Variants in GLB1L observed in about 807,000 individuals in gnomAD.
GLB1L encodes the protein galactosidase beta 1 like, also known as beta-galactosidase-1-like protein.
Under a neutral mutation model 75.7 loss-of-function variants are expected in GLB1L, and 58 were observed. The observed-to-expected ratio is 0.77, with a 90% confidence interval of 0.62 to 0.95. The LOEUF (loss-of-function observed/expected upper bound fraction) is 0.95, where lower values mean the gene tolerates loss of function less well. GLB1L is among the 40% of genes least tolerant of loss of function. The pLI, the probability that GLB1L is intolerant of heterozygous loss-of-function variation, is 0.00. For missense variants in GLB1L, 797 were observed against 805.5 expected (o/e 0.99, Z 0.13); for synonymous variants, 296 against 303.0 (o/e 0.98, Z 0.24).
chr2:219,238,441 G>A lies in GLB1L; in HGVS notation c.1227+54C>T, dbSNP rs984779576. 72 of 1,568,060 alleles carry A rather than the reference G, an allele frequency of 4.6e-5. No homozygotes were observed. The Middle Eastern group carries it at 6.7e-4, about 15-fold the overall frequency. ...GTGACTATAGCCAAGGAACTTTTGC[G>A]TATAGCTGTTAAGGGAGGTTGTCAT... On this transcript the variant is annotated intron_variant, in intron 13 of 16. Transcript: ENST00000295759.
intron 1 of GLB1L, among the ~76,000 whole-genome samples, chr2:219,244,934 T>A (rs1221782701): frequency 2.0e-5 from 3 of 152,228 alleles, no homozygotes; most frequent in Non-Finnish European, 4.4e-5. Flanking sequence ...CCTTATGTAC[T>A]ATTATACCTA....
At position 219,239,127 on chromosome 2, in the gene GLB1L, G is replaced by T. The variant is rs1321737855; in HGVS notation, c.1027C>A (p.Pro343Thr). The T allele has an allele frequency of 6.2e-7, 1 of 1,613,718 alleles. No homozygotes were observed. Among genetic ancestry groups the T allele is most frequent in the Non-Finnish European group, 8.5e-7 (1 of 1,179,732 alleles). ...APISEAGDPT[P>T]KLFALRDVIS... ...ACATCTCGAAGAGCAAAAAGCTTAGGTGTGGGGTCCCCTGCTTCAGATATA... is the reference window on the plus strand; with the variant it reads ...ACATCTCGAAGAGCAAAAAGCTTAGTTGTGGGGTCCCCTGCTTCAGATATA... Residue 343 changes from proline to threonine, a missense_variant, in exon 11 of 17, where the codon CCT (proline) becomes ACT (threonine). Pro to Thr is a conservative substitution (Grantham distance 38). Transcript: ENST00000295759.
Position 219,242,786 on chromosome 2 carries a change from G to C in GLB1L, c.372C>G (p.Ile124Met), listed in dbSNP as rs1951422831. The change falls in exon 4 of 17, where the codon ATC becomes ATG. Residue 124 changes from isoleucine (I) to methionine (M), a missense_variant. By Grantham distance (10) the Ile-to-Met change is conservative (BLOSUM62 1). Coordinates refer to ENST00000295759, the MANE Select transcript of GLB1L (RefSeq NM_001286423.2). Reference sequence around the variant, plus strand: ...AACTCACCATCTCCCACTCTGCACAGATGTAAGGTCCTGGTCTCAGTATGA... The same window carrying C: ...AACTCACCATCTCCCACTCTGCACACATGTAAGGTCCTGGTCTCAGTATGA... Reference protein sequence around the residue: ...LLVILRPGPYICAEWEMGGLP... With the variant: ...LLVILRPGPYMCAEWEMGGLP... The C allele has an allele frequency of 1.3e-5, 21 of 1,614,082 alleles. No individual in the cohort carries two copies. The highest frequency in any genetic ancestry group is 1.7e-5 in the Non-Finnish European group (20 of 1,180,044).
chr2:219,238,200 C>A, intron 14 of GLB1L, 50 bp downstream of exon 14: 1 of 1,341,644 alleles, frequency 7.5e-7, no homozygotes, highest in Non-Finnish European at 1.0e-6. Flanking sequence ...GCTAACGCTT[C>A]CTGGGGAAGG....
At chr2:219,238,885 G>C in intron 11 of GLB1L, 106 bp from the exon 12 acceptor site, 1 of 1,020,494 alleles carries the variant, frequency 9.8e-7, no homozygotes, top group East Asian at 2.4e-5. Flanking sequence ...AAGGGCTTCA[G>C]GGATCATGGA....
At chr2:219,243,676 G>C in intron 1 of GLB1L, 33 bp from the exon 2 acceptor site, 1 of 1,122,314 alleles carries the variant, frequency 8.9e-7, no homozygotes, top group South Asian at 1.3e-5. Flanking sequence ...ACCACCTCAA[G>C]TTGCCAGGCG....
intron 4 of GLB1L, 56 bp from the exon 5 acceptor site, chr2:219,242,630 TGGGGAAGCTAGGA>T: frequency 2.6e-6 from 4 of 1,560,002 alleles, no homozygotes; most frequent in Non-Finnish European, 3.5e-6. Context: ...TGGGGTGTGG[TGGGGAAGCTAGGA>T]AGGGAAGGAA....
At chr2:219,241,008 CA>C (rs911756987) in intron 5 of GLB1L, among the ~76,000 whole-genome samples, 4 of 151,032 alleles carry the variant, frequency 2.6e-5, no homozygotes, top group African/African-American at 9.8e-5. Flanking sequence ...CACTTGAACC[CA>C]ATCGGAGGTT....
At position 219,237,074 on chromosome 2, in the gene GLB1L, A is replaced by G. The variant is rs1472546269; in HGVS notation, c.1963T>C (p.Ter655ArgextTer37). The change falls in exon 17 of 17, where the codon TGA becomes CGA. Residue 655 changes from the stop codon to arginine, a stop_lost. Coordinates refer to ENST00000295759, the MANE Select transcript of GLB1L (RefSeq NM_001286423.2). ...ASEPMELSGH[*>R] ...AGCCACCATGCCCGGCCTACCTTTCAGTGCCCACTTAACTCCATTGGTTCA... is the reference window on the plus strand; with the variant it reads ...AGCCACCATGCCCGGCCTACCTTTCGGTGCCCACTTAACTCCATTGGTTCA... The G allele has an allele frequency of 1.2e-6, 2 of 1,600,494 alleles. No individual in the cohort carries two copies. Among genetic ancestry groups the G allele is most frequent in the Admixed American group, 3.3e-5 (2 of 59,752 alleles).
rs772938272 is a variant in GLB1L, at chr2:219,237,970, G to C, written c.1342-13C>G. On this transcript the variant is annotated splice_polypyrimidine_tract_variant and intron_variant, in intron 14 of 16. Transcript: ENST00000295759. Reference sequence around the variant, plus strand: ...CACCCTGGAACACCTGTGGATAGGAGATAGGATAGGAGCAAGGCTCAGCAT... The same window carrying C: ...CACCCTGGAACACCTGTGGATAGGACATAGGATAGGAGCAAGGCTCAGCAT... 3.7e-6 allele frequency: 6 copies of C among 1,613,888 alleles called. No homozygotes were observed. The highest frequency in any genetic ancestry group is 5.1e-6 in the Non-Finnish European group (6 of 1,179,806).
chr2:219,239,126 G>C lies in GLB1L; in HGVS notation c.1028C>G (p.Pro343Arg). The change falls in exon 11 of 17, where the codon CCT (proline) becomes CGT (arginine). Residue 343 changes from proline (P) to arginine (R), a missense_variant. Pro to Arg is a moderately radical substitution (Grantham distance 103). Coordinates refer to ENST00000295759, the MANE Select transcript of GLB1L (RefSeq NM_001286423.2). ...GACATCTCGAAGAGCAAAAAGCTTA[G>C]GTGTGGGGTCCCCTGCTTCAGATAT... is the stretch of plus-strand genomic sequence containing the variant. ...APISEAGDPT[P>R]KLFALRDVIS... 3 of 1,613,822 alleles carry C rather than the reference G, an allele frequency of 1.9e-6. No individual in the cohort carries two copies. The highest frequency in any genetic ancestry group is 2.2e-5 in the South Asian group (2 of 91,070).
chr2:219,242,531 A>C lies in GLB1L; in HGVS notation c.434T>G (p.Leu145Arg), dbSNP rs921522529. ...SWLLRKPEIHLRTSDPDFLAA... is the reference protein window; with the variant it reads ...SWLLRKPEIHRRTSDPDFLAA... ...CAACTCACCTGGATCTGAGGTTCTT[A>C]GATGAATTTCAGGTTTTCGAAGCAA... Residue 145 changes from leucine to arginine, a missense_variant, in exon 5 of 17, where the codon CTA becomes CGA. Transcript: ENST00000295759. 19 of 1,613,146 alleles carry C rather than the reference A, an allele frequency of 1.2e-5. No homozygotes were observed. The highest frequency in any genetic ancestry group is 1.7e-5 in the Admixed American group (1 of 59,994).
intron 1 of GLB1L, 131 bp from the exon 2 acceptor site, chr2:219,243,774 C>T: frequency 3.5e-6 from 2 of 568,548 alleles, no homozygotes; most frequent in Non-Finnish European, 6.4e-6. Context: ...GTGCAGTTCA[C>T]GAACCAGCTT....
chr2:219,241,436 GTGTGTGTATATATA>G (rs1433565591), intron 5 of GLB1L, among the ~76,000 whole-genome samples: 3 of 84,316 alleles, frequency 3.6e-5, no homozygotes, highest in East Asian at 1.1e-3. Flanking sequence ...GTGTGTGTGT[GTGTGTGTATATATA>G]TATATATATA....
In GLB1L at chr2:219,242,767, C is replaced by T; in HGVS notation, c.390+1G>A. ...TTCTATCCCTTCTCCAGCTAACTCA[C>T]CATCTCCCACTCTGCACAGATGTAA... is the stretch of plus-strand genomic sequence containing the variant. On this transcript the variant is annotated splice_donor_variant, in intron 4 of 16. Transcript: ENST00000295759. LOFTEE classifies it high-confidence loss of function. The T allele has an allele frequency of 1.2e-6, 2 of 1,614,106 alleles. No individual in the cohort carries two copies. The highest frequency in any genetic ancestry group is 1.7e-6 in the Non-Finnish European group (2 of 1,179,986).
At chr2:219,239,891 A>T (rs144269036) in intron 7 of GLB1L, 29 bp downstream of exon 7, 2 of 1,614,064 alleles carry the variant, frequency 1.2e-6, no homozygotes, top group Middle Eastern at 1.6e-4. Flanking sequence ...TCCTTTCCCC[A>T]GACTCCACTC....
At position 219,238,351 on chromosome 2, in the gene GLB1L, T is replaced by C; in HGVS notation, c.1240A>G (p.Met414Val). 1 of 1,606,648 alleles carries C rather than the reference T, an allele frequency of 6.2e-7. No individual in the cohort carries two copies. The highest frequency in any genetic ancestry group is 8.5e-7 in the Non-Finnish European group (1 of 1,176,234). Residue 414 changes from methionine (M) to valine (V), a missense_variant, in exon 14 of 17, where the codon ATG becomes GTG. Met to Val is a conservative substitution (Grantham distance 21). Transcript: ENST00000295759. ...TGGGTCATATAGGTTCGGTACAACA[T>C]GAAGCCATGGTCCTGGGTATGGAAG... The part of the protein sequence containing the change: ...FEAVKQDHGF[M>V]LYRTYMTHTI...
In GLB1L at chr2:219,238,502, A is replaced by T; in HGVS notation, c.1220T>A (p.Val407Asp). The T allele has an allele frequency of 6.2e-7, 1 of 1,613,932 alleles. No individual in the cohort carries two copies. Among genetic ancestry groups the T allele is most frequent in the Non-Finnish European group, 8.5e-7 (1 of 1,179,846 alleles). The change falls in exon 13 of 17, where the codon GTC (valine) becomes GAC (aspartate). Residue 407 changes from valine (V) to aspartate (D), a missense_variant. By Grantham distance (152) the Val-to-Asp change is radical. Coordinates refer to ENST00000295759, the MANE Select transcript of GLB1L (RefSeq NM_001286423.2). ...HSILPMTFEA[V>D]KQDHGFMLYR... ...TGTGGGTTTATGCCTTACCTGCTTG[A>T]CAGCCTCAAAGGTCATTGGCAAGAT...
chr2:219,244,311 G>A (rs570187615), intron 1 of GLB1L, among the ~76,000 whole-genome samples: 1 of 152,256 alleles, frequency 6.6e-6, no homozygotes, highest in South Asian at 2.1e-4. Flanking sequence ...GGAGTGCCCT[G>A]TTCATCTCAA....
Sources: gnomAD v4.1 joint callset for allele counts (sites outside exome capture counted in the v4.1 genomes callset) on GRCh38, gnomAD v4.1.1 for gene constraint, MANE v1.5 for transcripts, NCBI Gene and HGNC (gene_info 2026-07-23, HGNC 2026-07-21) for gene names.